Variants in ZNF516 observed in about 807,000 individuals in gnomAD.
The protein encoded by ZNF516 is zinc finger protein 516.
In ZNF516, 19 loss-of-function variants were observed where a neutral mutation model predicts 79.7. The ratio of observed to expected loss-of-function variants is 0.24; its 90% CI spans 0.17 to 0.35. The LOEUF (loss-of-function observed/expected upper bound fraction) is 0.35, where lower values mean the gene tolerates loss of function less well. Ranked by LOEUF, ZNF516 falls within the 10% of genes least tolerant of loss-of-function variation. ZNF516 has a pLI of 1.00. For missense variants in ZNF516, 1,678 were observed against 1,679.5 expected (o/e 1.00, Z 0.02); for synonymous variants, 877 against 739.5 (o/e 1.19, Z -3.02).
At chr18:76,412,223 C>T (rs576207882) in intron 3 of ZNF516, among the ~76,000 whole-genome samples, 3 of 152,338 alleles carry the variant, frequency 2.0e-5, no homozygotes, top group South Asian at 4.1e-4. Context: ...CCAAGACCAG[C>T]GAAGGTCGCC....
intron 3 of ZNF516, among the ~76,000 whole-genome samples, chr18:76,415,601 TGGA>T (rs1205991850): frequency 1.3e-5 from 2 of 151,964 alleles, no homozygotes; most frequent in African/African-American, 4.8e-5. Context: ...ACGGCTGCAG[TGGA>T]GGAGTCGGGG....
chr18:76,470,838 C>A (rs1231733948), intron 1 of ZNF516, among the ~76,000 whole-genome samples: 1 of 152,158 alleles, frequency 6.6e-6, no homozygotes, highest in Non-Finnish European at 1.5e-5. Flanking sequence ...CACAGGGAAA[C>A]CCCGTCTCTA....
In ZNF516 at chr18:76,371,357, G is replaced by T. The variant is rs551087451; in HGVS notation, c.3364+110C>A. The T allele has an allele frequency of 5.0e-5, 57 of 1,147,210 alleles. No individual in the cohort carries two copies. The Admixed American group carries it at 6.2e-4, about 12-fold the overall frequency. The allele number at this position is 1,147,210 out of a possible 1,614,324, so 71.1% of individuals were successfully genotyped here. On this transcript the variant is annotated intron_variant, in intron 5 of 6. Coordinates refer to ENST00000443185, the MANE Select transcript of ZNF516 (RefSeq NM_014643.4). The stretch of plus-strand genomic sequence containing the variant: ...CAGATGGCAGGCCCCCCGCCGCCTG[G>T]TAGGGGCTGAAATCTCAGTATCTCC...
chr18:76,448,003 G>T (rs1302582813), intron 2 of ZNF516, among the ~76,000 whole-genome samples: 1 of 151,878 alleles, frequency 6.6e-6, no homozygotes, highest in East Asian at 1.9e-4. Context: ...ATTTCATTTT[G>T]AAAAACTTAG....
intron 3 of ZNF516, among the ~76,000 whole-genome samples, chr18:76,412,224 G>A (rs545234244): frequency 2.0e-5 from 3 of 152,346 alleles, no homozygotes; most frequent in Non-Finnish European, 2.9e-5. Flanking sequence ...CAAGACCAGC[G>A]AAGGTCGCCG....
intron 1 of ZNF516, among the ~76,000 whole-genome samples, chr18:76,478,615 T>C (rs1342416413): frequency 6.6e-6 from 1 of 152,234 alleles, no homozygotes; most frequent in East Asian, 1.9e-4. Flanking sequence ...AGAATATATA[T>C]ACATTCATGA....
In ZNF516 at chr18:76,358,735, CCT is replaced by C. The variant is rs1331115871; in HGVS notation, c.*3761_*3762del. 6.6e-6 allele frequency: 1 copy of C among 152,164 alleles called. No homozygotes were observed. 9.4% of individuals were successfully genotyped at this position (152,164 alleles called of 1,614,324 possible). A position where few individuals can be genotyped will look rare whatever the true frequency, so the allele number is the denominator to read the frequency against. ...CCTTCCTTTTTCTACAGCTTGGAAA[CCT>C]CTGAGAATTTGCTGGGGGTGGCAGA... is the stretch of plus-strand genomic sequence containing the variant. On this transcript the variant is annotated 3_prime_UTR_variant, in exon 7 of 7. Coordinates refer to ENST00000443185, the MANE Select transcript of ZNF516 (RefSeq NM_014643.4).
chr18:76,383,160 G>A (rs2074922374), intron 3 of ZNF516, among the ~76,000 whole-genome samples: 1 of 152,110 alleles, frequency 6.6e-6, no homozygotes, highest in African/African-American at 2.4e-5. Context: ...AGCCACCCCA[G>A]GAGGGCGGGA....
At chr18:76,425,827 G>C (rs761575045) in intron 3 of ZNF516, among the ~76,000 whole-genome samples, 2 of 152,210 alleles carry the variant, frequency 1.3e-5, no homozygotes, top group Non-Finnish European at 2.9e-5. Context: ...GTCCAGGTAA[G>C]AGACACAAGC....
At chr18:76,375,210 G>T (rs1323920846) in intron 4 of ZNF516, among the ~76,000 whole-genome samples, 1 of 152,198 alleles carries the variant, frequency 6.6e-6, no homozygotes, top group East Asian at 1.9e-4. Context: ...AACACTTTAA[G>T]GGCGTCAAAA....
intron 3 of ZNF516, among the ~76,000 whole-genome samples, chr18:76,423,315 C>G (rs1248807180): frequency 6.6e-6 from 1 of 152,232 alleles, no homozygotes; most frequent in Non-Finnish European, 1.5e-5. Context: ...TGCGTGTTCT[C>G]GTTAATAAGT....
intron 3 of ZNF516, among the ~76,000 whole-genome samples, chr18:76,412,101 T>C (rs868640531): frequency 6.6e-6 from 1 of 152,062 alleles, no homozygotes; most frequent in Non-Finnish European, 1.5e-5. Context: ...GAGACCACCA[T>C]GTAGATGGTA....
intron 1 of ZNF516, among the ~76,000 whole-genome samples, chr18:76,494,092 G>A (rs1323328995): frequency 1.3e-5 from 2 of 152,118 alleles, no homozygotes; most frequent in Non-Finnish European, 2.9e-5. Context: ...TAAAAGGCTG[G>A]TTCCCTCTGG....
At chr18:76,413,403 C>G (rs970191049) in intron 3 of ZNF516, among the ~76,000 whole-genome samples, 1 of 152,110 alleles carries the variant, frequency 6.6e-6, no homozygotes, top group Admixed American at 6.5e-5. Flanking sequence ...CCTAGCAGCA[C>G]CACACCCAAC....
At chr18:76,482,968 G>A (rs1914614294) in intron 1 of ZNF516, among the ~76,000 whole-genome samples, 1 of 151,944 alleles carries the variant, frequency 6.6e-6, no homozygotes, top group African/African-American at 2.4e-5. Context: ...TATAGGTTCG[G>A]GTAAATAATG....
intron 1 of ZNF516, among the ~76,000 whole-genome samples, chr18:76,464,642 A>G (rs1287064216): frequency 2.0e-5 from 3 of 150,258 alleles, no homozygotes; most frequent in Admixed American, 6.6e-5. Flanking sequence ...CCTCTCTGGC[A>G]CCCCCAGCCT....
rs689793 is a variant in ZNF516 at position 76,424,316 on chromosome 18, G to C, written c.1810+16929C>G. On this transcript the variant is annotated intron_variant, in intron 3 of 6. Coordinates refer to ENST00000443185, the MANE Select transcript of ZNF516 (RefSeq NM_014643.4). ...CCCCGAAACACATGCAGGTGAAAAG[G>C]CTCCCCCGAAACACACACAGGTAAA... Among the ~76,000 whole-genome samples the C allele has an allele frequency of 2.9e-3, 78 of 27,194 alleles. 7 individuals are homozygous for C. The highest frequency in any genetic ancestry group is 3.7e-3 in the Non-Finnish European group (53 of 14,190). The allele number at this position is 27,194 out of a possible 152,430, so 17.8% of individuals were successfully genotyped here.
Position 76,416,159 on chromosome 18 carries a change from T to C in ZNF516, c.1810+25086A>G, listed in dbSNP as rs549157431. On this transcript the variant is annotated intron_variant, in intron 3 of 6. Coordinates refer to ENST00000443185, the MANE Select transcript of ZNF516 (RefSeq NM_014643.4). The stretch of plus-strand genomic sequence containing the variant: ...ACTCTCAGGAAACACAAATGTTCAC[T>C]TAGTAATGAAAACCACTTTGCAGTA... 4.6e-4 allele frequency among the ~76,000 whole-genome samples: 70 copies of C among 152,248 alleles called. 1 individual carries two copies. The highest frequency in any genetic ancestry group is 9.6e-4 in the Non-Finnish European group (65 of 68,042).
chr18:76,472,394 C>G (rs115081629), intron 1 of ZNF516, among the ~76,000 whole-genome samples: 1 of 152,108 alleles, frequency 6.6e-6, no homozygotes, highest in Non-Finnish European at 1.5e-5. Context: ...GCTCACTACA[C>G]GGGCACACTT....
Sources: gnomAD v4.1 joint callset for allele counts (sites outside exome capture counted in the v4.1 genomes callset) on GRCh38, gnomAD v4.1.1 for gene constraint, MANE v1.5 for transcripts, NCBI Gene and HGNC (gene_info 2026-07-23, HGNC 2026-07-21) for gene names.